ZNF670: variants seen among roughly 807,000 people sequenced by gnomAD.
ZNF670 encodes zinc finger protein 670.
In ZNF670, 7 loss-of-function variants were observed where a neutral mutation model predicts 10.9. That is an observed-to-expected ratio of 0.64 (90% CI 0.36 to 1.20). The LOEUF (loss-of-function observed/expected upper bound fraction) is 1.20, where lower values mean the gene tolerates loss of function less well. Ranked by LOEUF, ZNF670 falls within the 50% of genes most tolerant of loss-of-function variation. The probability of loss-of-function intolerance (pLI) is 0.02; values close to 1 mark genes in which losing one functional copy is unlikely to be tolerated. For missense variants in ZNF670, 446 were observed against 458.6 expected, an observed-to-expected ratio of 0.97 and a Z score of 0.25; for synonymous variants, 136 against 152.7, an observed-to-expected ratio of 0.89 and a Z score of 0.81.
At chr1:247,068,712 A>G (rs1671048138) in intron 1 of ZNF670, among the ~76,000 whole-genome samples, 1 of 150,126 alleles carries the variant, frequency 6.7e-6, no homozygotes, top group Admixed American at 6.6e-5. Flanking sequence ...CTGCACTCCC[A>G]TGTTTGTTGC....
At chr1:247,044,463 C>G (rs1670392167) in intron 1 of ZNF670, among the ~76,000 whole-genome samples, 2 of 152,166 alleles carry the variant, frequency 1.3e-5, no homozygotes, top group South Asian at 4.2e-4. Flanking sequence ...GGATACACAC[C>G]CAAAGGAATA....
rs1558335164 is a variant in ZNF670, at chr1:247,038,278, CAT to C, written c.339_340del (p.Ile113MetfsTer7). 1.9e-6 allele frequency: 3 copies of C among 1,614,174 alleles called. No homozygotes were observed. The highest frequency in any genetic ancestry group is 2.5e-6 in the Non-Finnish European group (3 of 1,180,016). On this transcript the variant is annotated frameshift_variant, in exon 4 of 4. Coordinates refer to ENST00000366503, the MANE Select transcript of ZNF670 (RefSeq NM_033213.5). LOFTEE classifies it low-confidence loss of function (END_TRUNC). ...GATGTGCCTATGAAGGGCTGAATGA[CAT>C]ATGAAGACTTTTCCACACACACTGC...
chr1:247,042,823 G>A (rs1326700286), intron 1 of ZNF670: 1 of 536,850 alleles, frequency 1.9e-6, no homozygotes, highest in African/African-American at 1.9e-5. Context: ...CGCTGTCTGA[G>A]CTACTGAAAT....
At chr1:247,043,133 T>C (rs1275919454) in intron 1 of ZNF670, 1 of 937,812 alleles carries the variant, frequency 1.1e-6, no homozygotes, top group Non-Finnish European at 1.7e-6. Flanking sequence ...ATGACAGACA[T>C]GACAATGTGA....
At chr1:247,046,584 A>G (rs4971295) in intron 1 of ZNF670, among the ~76,000 whole-genome samples, 35,357 of 152,118 alleles carry the variant, frequency 0.23, 4,618 homozygotes, top group Middle Eastern at 0.36. Flanking sequence ...CAGATGTATC[A>G]GGAATGTAGG....
At chr1:247,069,942 G>A (rs536420109) in intron 1 of ZNF670, among the ~76,000 whole-genome samples, 2 of 152,212 alleles carry the variant, frequency 1.3e-5, no homozygotes, top group African/African-American at 4.8e-5. Flanking sequence ...AGCACAACAG[G>A]ATGATTATAG....
At chr1:247,048,247 T>C (rs555183255) in intron 1 of ZNF670, among the ~76,000 whole-genome samples, 1 of 152,282 alleles carries the variant, frequency 6.6e-6, no homozygotes, top group East Asian at 1.9e-4. Flanking sequence ...CCAGATACCC[T>C]AAATCATCTC....
In ZNF670 at chr1:247,038,113, T is replaced by G. The variant is rs774202778; in HGVS notation, c.506A>C (p.Tyr169Ser). ...AGGCTTCTCATACACTGGACCCTTA[T>G]AAGGCCCATTACTAGTGTGTGTTAC... Reference protein sequence around the residue: ...HMVTHTSNGPYKGPVYEKPFD... With the variant: ...HMVTHTSNGPSKGPVYEKPFD... Residue 169 changes from tyrosine (Y) to serine (S), a missense_variant, in exon 4 of 4, where the codon TAT (tyrosine) becomes TCT (serine). Tyr to Ser is a moderately radical substitution (Grantham distance 144, BLOSUM62 -2). Transcript: ENST00000366503. The G allele has an allele frequency of 6.2e-7, 1 of 1,614,066 alleles. No homozygotes were observed. The highest frequency in any genetic ancestry group is 8.5e-7 in the Non-Finnish European group (1 of 1,180,018).
intron 1 of ZNF670, among the ~76,000 whole-genome samples, chr1:247,045,441 G>A (rs72768380): frequency 0.026 from 3,951 of 152,142 alleles, 69 homozygotes; most frequent in African/African-American, 0.035. Flanking sequence ...CAGGAGAGCC[G>A]GGTATTTAAG....
Position 247,037,294 on chromosome 1 carries a change from T to C in ZNF670, c.*155A>G, listed in dbSNP as rs569428151. On this transcript the variant is annotated 3_prime_UTR_variant, in exon 4 of 4. Transcript: ENST00000366503. ...GTCCTTCTAAGTTTTAGAAGGGAAC[T>C]AGGAAAATTGCATACATTCTAATCT... The C allele has an allele frequency of 2.2e-6, 2 of 918,636 alleles. No individual in the cohort carries two copies. Among genetic ancestry groups the C allele is most frequent in the East Asian group, 2.8e-5 (1 of 35,816 alleles). The allele number at this position is 918,636 out of a possible 1,614,324, so 56.9% of individuals were successfully genotyped here.
Position 247,074,165 on chromosome 1 carries a change from A to AT in ZNF670, c.3+4428dup, listed in dbSNP as rs199905993. Among the ~76,000 whole-genome samples, 633 of 151,610 alleles carry AT rather than the reference A, an allele frequency of 4.2e-3. 5 individuals carry two copies. The highest frequency in any genetic ancestry group is 6.3e-3 in the Non-Finnish European group (426 of 67,848). On this transcript the variant is annotated intron_variant, in intron 1 of 3. Transcript: ENST00000366503. ...AATAAAGCCAGAAACAGACAGCGTA[A>AT]TTTTTTTTTCGCCTCTTAACTAATT...
In ZNF670 at chr1:247,037,063, A is replaced by G. The variant is rs929513772; in HGVS notation, c.*386T>C. 2.4e-5 allele frequency: 4 copies of G among 163,346 alleles called. No homozygotes were observed. Among genetic ancestry groups the G allele is most frequent in the African/African-American group, 9.5e-5 (4 of 41,896 alleles). The allele number at this position is 163,346 out of a possible 1,614,324, so 10.1% of individuals were successfully genotyped here. On this transcript the variant is annotated 3_prime_UTR_variant, in exon 4 of 4. Coordinates refer to ENST00000366503, the MANE Select transcript of ZNF670 (RefSeq NM_033213.5). ...ATTATGTTAACTGATGAGAAACAAA[A>G]CACAGCCTATTAAGCTCATGTACTA...
In ZNF670 at chr1:247,038,248, GAC is replaced by G; in HGVS notation, c.369_370del (p.Ile126TrpfsTer6). ...CTCAAATAGTTTGTTTCCAATGTGA[GAC>G]AGGATGTGCCTATGAAGGGCTGAAT... On this transcript the variant is annotated frameshift_variant, in exon 4 of 4. Coordinates refer to ENST00000366503, the MANE Select transcript of ZNF670 (RefSeq NM_033213.5). LOFTEE classifies it low-confidence loss of function (END_TRUNC). 6.2e-7 allele frequency: 1 copy of G among 1,614,170 alleles called. No homozygotes were observed. The highest frequency in any genetic ancestry group is 1.3e-5 in the African/African-American group (1 of 75,048).
At chr1:247,056,211 C>T (rs1670711955) in intron 1 of ZNF670, among the ~76,000 whole-genome samples, 1 of 151,860 alleles carries the variant, frequency 6.6e-6, no homozygotes, top group South Asian at 2.1e-4. Flanking sequence ...TTTTGTCCAA[C>T]AGCTTCAGAA....
rs951191720 is a variant in ZNF670 at position 247,038,794 on chromosome 1, T to C, written c.191+16A>G. On this transcript the variant is annotated intron_variant, in intron 3 of 3. Transcript: ENST00000366503. ...TTCCCTCAAGGGGCATTTTTGCTCT[T>C]GTGAATGCAAATTACCTTAGATTTC... is the stretch of plus-strand genomic sequence containing the variant. The C allele has an allele frequency of 6.2e-7, 1 of 1,607,022 alleles. No homozygotes were observed. The highest frequency in any genetic ancestry group is 8.5e-7 in the Non-Finnish European group (1 of 1,175,120).
chr1:247,043,091 C>A, intron 1 of ZNF670: 1 of 1,133,406 alleles, frequency 8.8e-7, no homozygotes. Flanking sequence ...GCTTTCCAGG[C>A]TCAGGAAAAA....
rs1236409084 is a variant in ZNF670 at position 247,059,208 on chromosome 1, G to A, written c.3+19386C>T. On this transcript the variant is annotated intron_variant, in intron 1 of 3. Coordinates refer to ENST00000366503, the MANE Select transcript of ZNF670 (RefSeq NM_033213.5). Reference sequence around the variant, plus strand: ...TGTAATCCCAGCACTTTGGGAGGCCGAGGCGGGCGGATCATGAGGTCAGGA... The same window carrying A: ...TGTAATCCCAGCACTTTGGGAGGCCAAGGCGGGCGGATCATGAGGTCAGGA... Among the ~76,000 whole-genome samples the A allele has an allele frequency of 3.3e-5, 5 of 152,122 alleles. No homozygotes were observed. In the East Asian group the frequency reaches 5.8e-4, roughly 18 times the overall value.
intron 1 of ZNF670, among the ~76,000 whole-genome samples, chr1:247,045,526 G>A (rs1244618829): frequency 2.6e-5 from 4 of 152,202 alleles, no homozygotes; most frequent in South Asian, 2.1e-4. Flanking sequence ...TCTGCCTTCC[G>A]TCTGAGGCAT....
chr1:247,053,762 A>G (rs1430151837), intron 1 of ZNF670, among the ~76,000 whole-genome samples: 5 of 152,312 alleles, frequency 3.3e-5, no homozygotes, highest in African/African-American at 1.2e-4. Flanking sequence ...CAAACAAAAA[A>G]CCTAGTAACA....
Sources: gnomAD v4.1 joint callset for allele counts (sites outside exome capture counted in the v4.1 genomes callset) on GRCh38, gnomAD v4.1.1 for gene constraint, MANE v1.5 for transcripts, NCBI Gene and HGNC (gene_info 2026-07-23, HGNC 2026-07-21) for gene names.